Variants in ANO4 observed in about 807,000 individuals in gnomAD.
ANO4 encodes the protein anoctamin 4.
In ANO4, 69 loss-of-function variants were observed where a neutral mutation model predicts 141.9. The observed-to-expected ratio is 0.49, with a 90% CI of 0.40 to 0.59. ANO4 has a LOEUF of 0.59. ANO4 is among the 20% of genes least tolerant of loss of function. ANO4 has a pLI of 0.00. For missense variants in ANO4, 894 were observed against 1,162.2 expected (o/e 0.77, Z 3.36); for synonymous variants, 350 against 394.3 (o/e 0.89, Z 1.33).
intron 3 of ANO4, among the ~76,000 whole-genome samples, chr12:100,781,107 A>G (rs2033698287): frequency 6.6e-6 from 1 of 152,204 alleles, no homozygotes; most frequent in Admixed American, 6.5e-5. Flanking sequence ...CATAGCTTTT[A>G]ACTTGAACTC....
chr12:100,821,310 A>T (rs1291610940), intron 1 of ANO4, among the ~76,000 whole-genome samples: 1 of 152,076 alleles, frequency 6.6e-6, no homozygotes, highest in East Asian at 1.9e-4. Context: ...GGCTGGAGCA[A>T]TGAGGAAGGC....
exon 2 of ANO4, chr12:100,733,806 T>A (rs762679295): frequency 5.7e-6 from 4 of 702,316 alleles, no homozygotes; most frequent in Non-Finnish European, 1.0e-5. Flanking sequence ...TTATAACCTT[T>A]CCTCTGCAAC....
At chr12:100,894,883 G>A (rs557272284) in intron 1 of ANO4, among the ~76,000 whole-genome samples, 13 of 150,102 alleles carry the variant, frequency 8.7e-5, no homozygotes, top group South Asian at 4.2e-4. Context: ...GGAGAATGGC[G>A]TGAACCCGGG....
intron 1 of ANO4, among the ~76,000 whole-genome samples, chr12:100,806,886 T>C (rs2035089934): frequency 6.6e-6 from 1 of 152,082 alleles, no homozygotes; most frequent in Non-Finnish European, 1.5e-5. Flanking sequence ...CTTATGATTT[T>C]TTTTACCAAG....
At chr12:101,012,683 A>G (rs958926336) in intron 8 of ANO4, among the ~76,000 whole-genome samples, 1 of 152,184 alleles carries the variant, frequency 6.6e-6, no homozygotes, top group Admixed American at 6.5e-5. Context: ...GAAAAGCATA[A>G]GATCTTATTC....
intron 5 of ANO4, among the ~76,000 whole-genome samples, chr12:100,959,022 T>G (rs1254844813): frequency 1.3e-5 from 2 of 151,424 alleles, no homozygotes. Flanking sequence ...GGTGGGGGAG[T>G]TGGCCCACTG....
intron 8 of ANO4, among the ~76,000 whole-genome samples, chr12:100,993,316 A>G (rs2045223753): frequency 1.3e-5 from 2 of 152,218 alleles, no homozygotes; most frequent in African/African-American, 4.8e-5. Context: ...GTCACTTTAT[A>G]TGAGCTTACC....
chr12:100,858,064 C>T (rs913370125), intron 1 of ANO4, among the ~76,000 whole-genome samples: 17 of 151,870 alleles, frequency 1.1e-4, no homozygotes, highest in African/African-American at 3.6e-4. Flanking sequence ...TTGGGAAGAG[C>T]GATTTCTTAA....
At chr12:100,928,407 T>C (rs957476084) in intron 3 of ANO4, among the ~76,000 whole-genome samples, 3 of 152,128 alleles carry the variant, frequency 2.0e-5, no homozygotes, top group African/African-American at 7.2e-5. Flanking sequence ...TATTCCTCAA[T>C]CATTCATTCT....
intron 1 of ANO4, among the ~76,000 whole-genome samples, chr12:100,836,331 A>C (rs1170354624): frequency 6.6e-6 from 1 of 152,020 alleles, no homozygotes; most frequent in East Asian, 1.9e-4. Context: ...ATAAAATATG[A>C]AGTCTTTTTA....
intron 3 of ANO4, among the ~76,000 whole-genome samples, chr12:100,772,852 A>G (rs964052700): frequency 6.6e-6 from 1 of 152,224 alleles, no homozygotes; most frequent in Non-Finnish European, 1.5e-5. Flanking sequence ...GTAAAAAATC[A>G]CACGATCTCA....
chr12:100,857,112 CA>C, intron 1 of ANO4, among the ~76,000 whole-genome samples: 1 of 152,076 alleles, frequency 6.6e-6, no homozygotes, highest in Non-Finnish European at 1.5e-5. Flanking sequence ...TATGGAGACT[CA>C]AATGTTCCTG....
rs532296544 is a variant in ANO4, at chr12:100,892,112, T to C, written c.-140-9534T>C. On this transcript the variant is annotated intron_variant, in intron 1 of 27. Transcript: ENST00000392977. ...TCTTTTTAAGGTTGAATAGAATGTC[T>C]TTGAATATATCCACCACACATTTTC... Among the ~76,000 whole-genome samples the C allele has an allele frequency of 2.6e-5, 4 of 152,336 alleles. No individual in the cohort carries two copies. The South Asian group carries it at 8.3e-4, about 32-fold the overall frequency.
intron 3 of ANO4, among the ~76,000 whole-genome samples, chr12:100,781,186 T>C (rs1378384734): frequency 1.3e-5 from 2 of 152,194 alleles, no homozygotes; most frequent in Non-Finnish European, 2.9e-5. Flanking sequence ...TACTCTAATG[T>C]GCCAAACTCT....
intron 8 of ANO4, among the ~76,000 whole-genome samples, chr12:100,998,412 T>TATCCATCC (rs1033407964): frequency 6.7e-6 from 1 of 149,928 alleles, no homozygotes; most frequent in African/African-American, 2.5e-5. Context: ...TCTATCTATC[T>TATCCATCC]ATCCATCCTA....
chr12:101,111,671 A>G lies in ANO4; in HGVS notation c.2411A>G (p.Lys804Arg). ...ATCCCTCGCTTGGTGTATGCTTATA[A>G]GTATGGACCTTGTGCAGGCCAAGGA... ...DFIPRLVYAY[K>R]YGPCAGQGEA... The change falls in exon 24 of 28, where the codon AAG (lysine) becomes AGG (arginine). Residue 804 changes from lysine (K) to arginine (R), a missense_variant. This residue lies in a region of ANO4 where 637 missense variants were observed against 909.2 expected (regional missense o/e 0.70). Coordinates refer to ENST00000392977, the MANE Select transcript of ANO4 (RefSeq NM_001286615.2). 6.2e-7 allele frequency: 1 copy of G among 1,611,858 alleles called. No homozygotes were observed. The highest frequency in any genetic ancestry group is 8.5e-7 in the Non-Finnish European group (1 of 1,179,038).
intron 1 of ANO4, among the ~76,000 whole-genome samples, chr12:100,718,807 T>A (rs1053498762): frequency 6.6e-6 from 1 of 152,252 alleles, no homozygotes; most frequent in African/African-American, 2.4e-5. Context: ...AACATTGTGG[T>A]TCCTGGGTTA....
intron 6 of ANO4, among the ~76,000 whole-genome samples, chr12:100,974,111 A>G (rs1036958870): frequency 6.6e-6 from 1 of 152,220 alleles, no homozygotes; most frequent in Admixed American, 6.5e-5. Context: ...AATCTAATAC[A>G]TGTATTCTCC....
At chr12:100,901,899 C>A (rs942242252) in intron 2 of ANO4, 59 bp downstream of exon 2, 4 of 1,424,472 alleles carry the variant, frequency 2.8e-6, no homozygotes, top group Non-Finnish European at 3.8e-6. Flanking sequence ...CCACAGTCTG[C>A]ATTATATTTT....
Sources: gnomAD v4.1 joint callset for allele counts (sites outside exome capture counted in the v4.1 genomes callset) on GRCh38, gnomAD v4.1.1 for gene constraint, gnomAD v4.1.1 regional missense constraint, MANE v1.5 for transcripts, NCBI Gene and HGNC (gene_info 2026-07-23, HGNC 2026-07-21) for gene names.